The following KLK3 variants were observed in gnomAD, a reference collection of about 807,000 sequenced individuals.
KLK3 encodes the protein kallikrein related peptidase 3, also known as prostate-specific antigen.
A neutral mutation model predicts 27.7 loss-of-function variants in KLK3; 23 were observed. That is an observed-to-expected ratio of 0.83 (90% CI 0.60 to 1.17). The LOEUF is 1.17. Among genes scored for constraint, KLK3 ranks in the 50% most tolerant of loss-of-function variants. KLK3 has a pLI of 0.00. For synonymous variants in KLK3, 142 were observed against 134.2 expected, an observed-to-expected ratio of 1.06 and a Z score of -0.40; for missense variants, 322 against 338.1, an observed-to-expected ratio of 0.95 and a Z score of 0.37.
intron 1 of KLK3, chr19:50,855,214 C>A: frequency 1.7e-6 from 1 of 574,682 alleles, no homozygotes. Flanking sequence ...CTCCCACTTA[C>A]CCCAGAACTT....
intron 4 of KLK3, chr19:50,859,037 C>A (rs917323054): frequency 3.9e-6 from 1 of 254,300 alleles, no homozygotes; most frequent in East Asian, 7.5e-5. Flanking sequence ...GAGGAGACAT[C>A]CTGCAGAAGG....
intron 1 of KLK3, chr19:50,855,436 A>C: frequency 6.0e-6 from 1 of 166,302 alleles, no homozygotes; most frequent in Non-Finnish European, 1.3e-5. Context: ...TGAGTGCCCA[A>C]CCCTATCCCA....
chr19:50,856,151 C>A, intron 1 of KLK3, 89 bp from the exon 2 acceptor site: 1 of 1,257,296 alleles, frequency 8.0e-7, no homozygotes, highest in South Asian at 1.4e-5. Flanking sequence ...CGTGTCTTTT[C>A]AAACCCACAT....
chr19:50,855,990 T>C (rs2090144276), intron 1 of KLK3: 1 of 481,960 alleles, frequency 2.1e-6, no homozygotes, highest in African/African-American at 2.0e-5. Context: ...CCTACCCTGA[T>C]CCCTGGGTTC....
intron 2 of KLK3, chr19:50,856,718 C>T (rs920665151): frequency 1.3e-4 from 40 of 299,198 alleles, no homozygotes; most frequent in Non-Finnish European, 1.9e-4. Context: ...CTCCATATCT[C>T]CCCCTCTCTC....
intron 2 of KLK3, among the ~76,000 whole-genome samples, chr19:50,857,179 A>AAG (rs1555770268): frequency 1.4e-5 from 2 of 145,278 alleles, no homozygotes; most frequent in African/African-American, 5.2e-5. Flanking sequence ...AAAAAAAAAA[A>AAG]AAAAGAAAAG....
At chr19:50,857,888 T>G in intron 2 of KLK3, 141 bp from the exon 3 acceptor site, 1 of 789,910 alleles carries the variant, frequency 1.3e-6, no homozygotes, top group East Asian at 2.7e-5. Context: ...TCTGTATTTT[T>G]GGCCTGAACT....
At chr19:50,859,451 C>A (rs1427149284) in intron 4 of KLK3, 3 of 1,197,348 alleles carry the variant, frequency 2.5e-6, no homozygotes, top group African/African-American at 1.5e-5. Context: ...TTGTCCCCAC[C>A]TGGGCCCTTA....
rs749770722 is a variant in KLK3, at chr19:50,858,460, C to T, written c.495C>T (p.Phe165=). The T allele has an allele frequency of 6.2e-7, 1 of 1,614,192 alleles. No homozygotes were observed. The highest frequency in any genetic ancestry group is 1.1e-5 in the South Asian group (1 of 91,082). ...SGWGSIEPEE[F]LTPKKLQCVD... Reference sequence around the variant, plus strand: ...ACAGTGTTTTTGCCTGGCCCGTAGTCTTGACCCCAAAGAAACTTCAGTGTG... The same window carrying T: ...ACAGTGTTTTTGCCTGGCCCGTAGTTTTGACCCCAAAGAAACTTCAGTGTG... The change falls in exon 4 of 5, where the codon TTC becomes TTT. Residue 165 remains phenylalanine, a splice_region_variant and synonymous_variant. Coordinates refer to ENST00000326003, the MANE Select transcript of KLK3 (RefSeq NM_001648.2).
intron 1 of KLK3, chr19:50,855,994 TG>T (rs1204941512): frequency 2.0e-6 from 1 of 487,894 alleles, no homozygotes. Flanking sequence ...CCCTGATCCC[TG>T]GGTTCAACTC....
In KLK3 at chr19:50,858,995, G is replaced by A. The variant is rs78779935; in HGVS notation, c.630+400G>A. The A allele has an allele frequency of 2.7e-3, 895 of 332,494 alleles. 1 individual carries two copies. Among genetic ancestry groups the A allele is most frequent in the Non-Finnish European group, 3.9e-3 (704 of 182,512 alleles). 20.6% of individuals were successfully genotyped at this position (332,494 alleles called of 1,614,324 possible). On this transcript the variant is annotated intron_variant, in intron 4 of 4. Coordinates refer to ENST00000326003, the MANE Select transcript of KLK3 (RefSeq NM_001648.2). ...GGTGTCAGGAGGTGATCAGGCTCTC[G>A]GGGAGGGAGAAGGGGTGGGGAGTGT...
chr19:50,858,810 G>A (rs948855091), intron 4 of KLK3: 64 of 617,958 alleles, frequency 1.0e-4, no homozygotes, highest in Middle Eastern at 4.1e-4. Context: ...CTGTTCCTGC[G>A]TTCAGCACAC....
At position 50,854,994 on chromosome 19, in the gene KLK3, G is replaced by A. The variant is rs751400607; in HGVS notation, c.39G>A (p.Thr13=). 2.1e-5 allele frequency: 34 copies of A among 1,613,728 alleles called. 1 individual carries two copies. Among genetic ancestry groups the A allele is most frequent in the Non-Finnish European group, 2.3e-5 (27 of 1,179,902 alleles). ...TTGTCTTCCTCACCCTGTCCGTGAC[G>A]TGGATTGGTGAGAGGGGCCATGGTT... is the stretch of plus-strand genomic sequence containing the variant. ...VPVVFLTLSV[T]WIGAAPLILS... Residue 13 remains threonine, a synonymous_variant, in exon 1 of 5, where the codon ACG becomes ACA. Coordinates refer to ENST00000326003, the MANE Select transcript of KLK3 (RefSeq NM_001648.2).
Position 50,858,721 on chromosome 19 carries a change from C to T in KLK3, c.630+126C>T, listed in dbSNP as rs144992202. 1.3e-3 allele frequency: 1,298 copies of T among 1,030,612 alleles called. 13 individuals carry two copies. In the African/African-American group the frequency reaches 0.019, roughly 15 times the overall value. 63.8% of individuals were successfully genotyped at this position (1,030,612 alleles called of 1,614,324 possible). ...TCCCCAGCTGTAGCCATGCCACCTC[C>T]CCGTGTCTCATCTCATTCCCTCCTT... On this transcript the variant is annotated intron_variant, in intron 4 of 4. Transcript: ENST00000326003.
At chr19:50,859,157 A>G (rs1286231213) in intron 4 of KLK3, among the ~76,000 whole-genome samples, 1 of 152,114 alleles carries the variant, frequency 6.6e-6, no homozygotes, top group Admixed American at 6.5e-5. Context: ...AGAGGGCGTC[A>G]GGAGCAGAGA....
chr19:50,859,261 A>C (rs918836427), intron 4 of KLK3, among the ~76,000 whole-genome samples: 2 of 152,086 alleles, frequency 1.3e-5, no homozygotes, highest in African/African-American at 4.8e-5. Context: ...ACAGGAGGAC[A>C]CTGCTTTTCC....
Position 50,860,545 on chromosome 19 carries a change from A to C in KLK3, c.*418A>C. 1 of 155,672 alleles carries C rather than the reference A, an allele frequency of 6.4e-6. No homozygotes were observed. Among genetic ancestry groups the C allele is most frequent in the East Asian group, 1.9e-4 (1 of 5,326 alleles). 9.6% of individuals were successfully genotyped at this position (155,672 alleles called of 1,614,324 possible). A position where few individuals can be genotyped will look rare whatever the true frequency, so the allele number is the denominator to read the frequency against. On this transcript the variant is annotated 3_prime_UTR_variant, in exon 5 of 5. Coordinates refer to ENST00000326003, the MANE Select transcript of KLK3 (RefSeq NM_001648.2). The stretch of plus-strand genomic sequence containing the variant: ...CAGCAAGGATGGAGCTGAAAACATA[A>C]CCCACTCTGTCCTGGAGGCACTGGG...
In KLK3 at chr19:50,860,322, G is replaced by A; in HGVS notation, c.*195G>A. The A allele has an allele frequency of 2.0e-6, 1 of 506,624 alleles. No individual in the cohort carries two copies. The highest frequency in any genetic ancestry group is 3.6e-6 in the Non-Finnish European group (1 of 280,510). 31.4% of individuals were successfully genotyped at this position (506,624 alleles called of 1,614,324 possible). On this transcript the variant is annotated 3_prime_UTR_variant, in exon 5 of 5. Transcript: ENST00000326003. ...GTAATTTTGTCCTCTCTGTGTCCTG[G>A]GGAATACTGGCCATGCCTGGAGACA...
chr19:50,859,622 G>C, intron 4 of KLK3: 1 of 1,613,176 alleles, frequency 6.2e-7, no homozygotes. Context: ...TCTAGTCAGA[G>C]AGTAGTCCTG....
Sources: allele counts gnomAD v4.1 joint callset (sites outside exome capture counted in the v4.1 genomes callset), GRCh38; gene constraint gnomAD v4.1.1; transcripts MANE v1.5; gene names NCBI Gene and HGNC (gene_info 2026-07-23, HGNC 2026-07-21).